Variants in PHACTR3 observed in about 807,000 individuals in gnomAD.
PHACTR3 encodes phosphatase and actin regulator 3.
In PHACTR3, 16 loss-of-function variants were observed where a neutral mutation model predicts 66.8. The ratio of observed to expected loss-of-function variants is 0.24; its 90% CI spans 0.16 to 0.36. The LOEUF is 0.36. Among genes scored for constraint, PHACTR3 ranks in the 10% least tolerant of loss-of-function variants. The pLI, the probability that PHACTR3 is intolerant of heterozygous loss-of-function variation, is 1.00. For missense variants in PHACTR3, 647 were observed against 719.9 expected, an observed-to-expected ratio of 0.90 and a Z score of 1.16; for synonymous variants, 323 against 292.1, an observed-to-expected ratio of 1.11 and a Z score of -1.08.
At chr20:59,600,849 G>A (rs2033457868), upstream of PHACTR3, among the ~76,000 whole-genome samples, 1 of 152,114 alleles carries the variant, frequency 6.6e-6, no homozygotes, top group Non-Finnish European at 1.5e-5. Context: ...GAATCTGGGT[G>A]GAGACAGGGA....
chr20:59,844,534 T>C lies in PHACTR3; in HGVS notation c.1588-655T>C, dbSNP rs141352969. On this transcript the variant is annotated intron_variant, in intron 11 of 12. Transcript: ENST00000371015. ...CCACCTTAAGAAAATCCAGTCATTT[T>C]TGACAACATGTATGGAACTGGATGT... 7.7e-3 allele frequency: 1,171 copies of C among 152,266 alleles called. 8 individuals are homozygous for C. The highest frequency in any genetic ancestry group is 0.019 in the African/African-American group (806 of 41,570). The allele number at this position is 152,266 out of a possible 1,614,324, so 9.4% of individuals were successfully genotyped here.
At chr20:59,622,981 C>A (rs3974985) in intron 1 of PHACTR3, among the ~76,000 whole-genome samples, 43 of 32,186 alleles carry the variant, frequency 1.3e-3, no homozygotes, top group South Asian at 1.9e-3. Context: ...CAGCTTTAAC[C>A]AAAAAAAAAA....
intron 1 of PHACTR3, among the ~76,000 whole-genome samples, chr20:59,634,265 G>A (rs956780169): frequency 1.7e-4 from 26 of 152,288 alleles, no homozygotes; most frequent in Admixed American, 8.5e-4. Context: ...GAAATCAGGC[G>A]GAGCTGGGTG....
At chr20:59,845,870 A>G (rs1310668882) in intron 12 of PHACTR3, among the ~76,000 whole-genome samples, 1 of 152,134 alleles carries the variant, frequency 6.6e-6, no homozygotes, top group Non-Finnish European at 1.5e-5. Flanking sequence ...TAAGATGAAT[A>G]TATTCTCTGT....
rs1201972485 is a variant in PHACTR3, at chr20:59,836,577, T to C, written c.1384+17T>C. 1.2e-6 allele frequency: 2 copies of C among 1,609,900 alleles called. No individual in the cohort carries two copies. Among genetic ancestry groups the C allele is most frequent in the Non-Finnish European group, 1.7e-6 (2 of 1,178,332 alleles). On this transcript the variant is annotated intron_variant, in intron 9 of 12. Coordinates refer to ENST00000371015, the MANE Select transcript of PHACTR3 (RefSeq NM_080672.5). ...TCTTGAAACGTGAGTAGCTGGTGAT[T>C]CCTCTAGAGGTTTTCCTTCACGTGT...
At chr20:59,623,740 G>T (rs971716422) in intron 1 of PHACTR3, among the ~76,000 whole-genome samples, 4 of 152,216 alleles carry the variant, frequency 2.6e-5, no homozygotes, top group African/African-American at 9.6e-5. Flanking sequence ...GTGGCCATGT[G>T]GTGGGAGGGG....
intron 11 of PHACTR3, chr20:59,844,351 T>G (rs2059115417): frequency 6.6e-6 from 1 of 152,082 alleles, no homozygotes; most frequent in Non-Finnish European, 1.5e-5. Flanking sequence ...TGAAGAGATA[T>G]CTGTACTCCC....
chr20:59,678,597 G>A (rs916398860), intron 1 of PHACTR3, among the ~76,000 whole-genome samples: 1 of 152,154 alleles, frequency 6.6e-6, no homozygotes, highest in East Asian at 1.9e-4. Context: ...GACATAATTC[G>A]ACATGTCGCA....
At position 59,829,731 on chromosome 20, in the gene PHACTR3, G is replaced by A. The variant is rs1308188594; in HGVS notation, c.1329-6774G>A. On this transcript the variant is annotated intron_variant, in intron 8 of 12. Transcript: ENST00000371015. This position sits in a 1 kb window ranked among gnomAD's most constrained non-coding sequence, Gnocchi z 4.2. ...CAAAATAGCCCGGGCGTCCCCTGTGGGTGTCGAGCTGTCTGTTCTCTCTAG... is the reference window on the plus strand; with the variant it reads ...CAAAATAGCCCGGGCGTCCCCTGTGAGTGTCGAGCTGTCTGTTCTCTCTAG... Among the ~76,000 whole-genome samples the A allele has an allele frequency of 2.6e-5, 4 of 152,232 alleles. No homozygotes were observed. Among genetic ancestry groups the A allele is most frequent in the African/African-American group, 9.6e-5 (4 of 41,460 alleles).
chr20:59,742,234 C>T (rs988948211), intron 1 of PHACTR3, among the ~76,000 whole-genome samples: 3 of 152,218 alleles, frequency 2.0e-5, no homozygotes, highest in African/African-American at 7.2e-5. Context: ...CTTGGAGATC[C>T]ACTTTCTTTC....
intron 8 of PHACTR3, among the ~76,000 whole-genome samples, chr20:59,828,323 G>A (rs1384340710): frequency 6.6e-6 from 1 of 152,152 alleles, no homozygotes; most frequent in Admixed American, 6.5e-5. Context: ...TGGCAGCTGT[G>A]GGTCTGTCTG....
At chr20:59,840,844 A>G (rs1464715961) in intron 10 of PHACTR3, among the ~76,000 whole-genome samples, 1 of 152,216 alleles carries the variant, frequency 6.6e-6, no homozygotes, top group Non-Finnish European at 1.5e-5. Context: ...AGAAAGCTTT[A>G]TTAGACTCAA....
rs7273565 is a variant in PHACTR3 at position 59,708,208 on chromosome 20, G to A, written c.119-34899G>A. ...TGGACTGCTGATGGGGACAGGGGGA[G>A]TTCATCAGGATAAGCTGGGCACGTG... On this transcript the variant is annotated intron_variant, in intron 1 of 12. Coordinates refer to ENST00000371015, the MANE Select transcript of PHACTR3 (RefSeq NM_080672.5). 2.5e-3 allele frequency among the ~76,000 whole-genome samples: 379 copies of A among 152,332 alleles called. 3 individuals carry two copies. The highest frequency in any genetic ancestry group is 8.5e-3 in the African/African-American group (354 of 41,570).
chr20:59,782,602 A>G (rs1043422804), intron 7 of PHACTR3, among the ~76,000 whole-genome samples: 1 of 152,190 alleles, frequency 6.6e-6, no homozygotes, highest in Admixed American at 6.5e-5. Context: ...GGGAGGCCTC[A>G]CAATCATGGT....
chr20:59,807,966 A>C (rs1211531074), intron 8 of PHACTR3, among the ~76,000 whole-genome samples: 1 of 152,114 alleles, frequency 6.6e-6, no homozygotes, highest in Non-Finnish European at 1.5e-5. Context: ...CACCCCCATA[A>C]GTTTCCCTGG....
chr20:59,782,198 G>A (rs976990839), intron 7 of PHACTR3, among the ~76,000 whole-genome samples: 4 of 152,138 alleles, frequency 2.6e-5, no homozygotes, highest in Admixed American at 1.3e-4. Context: ...CTGAGACTGG[G>A]TAATTTATAA....
intron 9 of PHACTR3, among the ~76,000 whole-genome samples, chr20:59,838,706 T>C (rs192326452): frequency 1.3e-5 from 2 of 152,354 alleles, no homozygotes; most frequent in East Asian, 3.9e-4. Flanking sequence ...CAGTAATACA[T>C]TTCTGGATAT....
chr20:59,844,915 A>G (rs2059123941), intron 11 of PHACTR3: 1 of 254,026 alleles, frequency 3.9e-6, no homozygotes, highest in African/African-American at 2.3e-5. Flanking sequence ...TATGCATATA[A>G]CAAAATATCA....
intron 7 of PHACTR3, 149 bp from the exon 8 acceptor site, chr20:59,805,892 G>A (rs1319665930): frequency 2.7e-5 from 22 of 812,454 alleles, no homozygotes; most frequent in African/African-American, 8.6e-5. Flanking sequence ...GCAAGCTGGC[G>A]AGCGTGTGTC....
Sources: gnomAD v4.1 joint callset for allele counts (sites outside exome capture counted in the v4.1 genomes callset) on GRCh38, gnomAD v4.1.1 for gene constraint, Gnocchi (gnomAD v3.1) non-coding constraint, MANE v1.5 for transcripts, NCBI Gene and HGNC (gene_info 2026-07-23, HGNC 2026-07-21) for gene names.